Variants in HMBOX1 observed in about 807,000 individuals in gnomAD.
HMBOX1 encodes homeobox-containing protein 1.
Under a neutral mutation model 54.5 loss-of-function variants are expected in HMBOX1, and 14 were observed. That is an observed-to-expected ratio of 0.26 (90% CI 0.17 to 0.40). The LOEUF (loss-of-function observed/expected upper bound fraction) is 0.40, where lower values mean the gene tolerates loss of function less well. HMBOX1 is among the 10% of genes least tolerant of loss of function. HMBOX1 has a pLI of 1.00. For synonymous variants in HMBOX1, 160 were observed against 181.0 expected (o/e 0.88, Z 0.93); for missense variants, 332 against 514.4 (o/e 0.65, Z 3.43).
At chr8:28,934,634 T>A (rs1820061217) in intron 1 of HMBOX1, among the ~76,000 whole-genome samples, 1 of 152,096 alleles carries the variant, frequency 6.6e-6, no homozygotes. Context: ...TGAAATAATA[T>A]ACAGAAATTG....
upstream of HMBOX1, chr8:28,890,194 C>A: frequency 2.6e-6 from 1 of 391,696 alleles, no homozygotes; most frequent in South Asian, 2.5e-5. Context: ...GGGCCTGGGG[C>A]CCATGGTGTT....
intron 1 of HMBOX1, among the ~76,000 whole-genome samples, chr8:28,940,524 G>T (rs954981010): frequency 6.6e-6 from 1 of 152,162 alleles, no homozygotes; most frequent in Non-Finnish European, 1.5e-5. Context: ...CTTCCTAAGG[G>T]TAGAAATATG....
chr8:28,962,311 A>T (rs1285238672), intron 1 of HMBOX1, among the ~76,000 whole-genome samples: 1 of 152,122 alleles, frequency 6.6e-6, no homozygotes, highest in Non-Finnish European at 1.5e-5. Context: ...TCAGTGTCTT[A>T]TGGTTACATA....
intron 1 of HMBOX1, among the ~76,000 whole-genome samples, chr8:28,909,888 G>A (rs1331059229): frequency 6.6e-6 from 1 of 151,720 alleles, no homozygotes; most frequent in Non-Finnish European, 1.5e-5. Context: ...GGCTCAAATG[G>A]GTCTTTCATC....
intron 1 of HMBOX1, among the ~76,000 whole-genome samples, chr8:28,908,551 T>A (rs1408055557): frequency 2.6e-5 from 4 of 152,166 alleles, no homozygotes; most frequent in Admixed American, 2.6e-4. Flanking sequence ...GGTCAGGAGT[T>A]TGACACCAGC....
rs1800729191 is a variant in HMBOX1 at position 29,018,820 on chromosome 8, C to T, written c.758C>T (p.Thr253Met). Residue 253 changes from threonine (T) to methionine (M), a missense_variant, in exon 6 of 10, where the codon ACG becomes ATG. Physicochemically the swap from Thr to Met is moderately conservative, Grantham distance 81. This residue lies in a region of HMBOX1 where 117 missense variants were observed against 220.0 expected (regional missense o/e 0.53). Transcript: ENST00000287701. ...IPIEDPEWRQ[T>M]PPPVSATSGT... ...ATAGAGGACCCTGAATGGAGACAAA[C>T]GCCTCCCCCAGTCTCTGCCACATCT... is the stretch of plus-strand genomic sequence containing the variant. The T allele has an allele frequency of 6.2e-7, 1 of 1,613,982 alleles. No individual in the cohort carries two copies. Among genetic ancestry groups the T allele is most frequent in the Non-Finnish European group, 8.5e-7 (1 of 1,179,864 alleles).
chr8:29,014,988 T>C (rs1458199461), intron 5 of HMBOX1, among the ~76,000 whole-genome samples: 1 of 152,148 alleles, frequency 6.6e-6, no homozygotes. Flanking sequence ...CCTTGATTTC[T>C]TTCAAAATAA....
chr8:28,933,355 A>G (rs896185304), intron 1 of HMBOX1, among the ~76,000 whole-genome samples: 74 of 152,218 alleles, frequency 4.9e-4, no homozygotes, highest in Admixed American at 4.7e-3. Flanking sequence ...GAGACCTGTC[A>G]ACTAAATAGA....
At chr8:28,899,881 A>G (rs1303576351) in intron 1 of HMBOX1, among the ~76,000 whole-genome samples, 5 of 152,148 alleles carry the variant, frequency 3.3e-5, no homozygotes, top group Admixed American at 6.5e-5. Context: ...ACAGAGTTCT[A>G]AGCACTTAGG....
chr8:28,918,405 G>A (rs971967700), intron 1 of HMBOX1, among the ~76,000 whole-genome samples: 5 of 151,338 alleles, frequency 3.3e-5, no homozygotes, highest in South Asian at 2.1e-4. Flanking sequence ...GGGTTCCACC[G>A]TGTTAGCCAG....
At chr8:28,974,763 T>A (rs1209242488) in intron 3 of HMBOX1, among the ~76,000 whole-genome samples, 1 of 152,216 alleles carries the variant, frequency 6.6e-6, no homozygotes, top group Non-Finnish European at 1.5e-5. Context: ...ATAGGTTTTA[T>A]TCAAACATGA....
chr8:28,931,135 A>G (rs1563411735), intron 1 of HMBOX1, among the ~76,000 whole-genome samples: 1 of 152,246 alleles, frequency 6.6e-6, no homozygotes, highest in Non-Finnish European at 1.5e-5. Context: ...TAAACTTAAT[A>G]GTAATTTTTA....
chr8:29,001,515 G>A (rs898299729), intron 4 of HMBOX1, among the ~76,000 whole-genome samples: 11 of 151,962 alleles, frequency 7.2e-5, no homozygotes, highest in Admixed American at 2.0e-4. Context: ...ATGCCGCGGC[G>A]CTTCAGCCTC....
intron 1 of HMBOX1, among the ~76,000 whole-genome samples, chr8:28,937,652 A>C (rs1467292902): frequency 6.6e-6 from 1 of 152,178 alleles, no homozygotes; most frequent in African/African-American, 2.4e-5. Context: ...TTTAATCTCA[A>C]AGGCAAGACT....
intron 1 of HMBOX1, among the ~76,000 whole-genome samples, chr8:28,919,277 C>T (rs1817129197): frequency 6.6e-6 from 1 of 152,150 alleles, no homozygotes; most frequent in Non-Finnish European, 1.5e-5. Flanking sequence ...CAGATTTAAC[C>T]AACCATGGAT....
chr8:29,017,421 G>C (rs1835194670), intron 5 of HMBOX1, among the ~76,000 whole-genome samples: 1 of 152,192 alleles, frequency 6.6e-6, no homozygotes, highest in Non-Finnish European at 1.5e-5. Flanking sequence ...TTACTGTGAG[G>C]AGCCGTCTTT....
intron 3 of HMBOX1, among the ~76,000 whole-genome samples, chr8:28,973,803 G>GTTTTTTTTATTTTTT (rs1827850065): frequency 1.4e-5 from 1 of 72,618 alleles, no homozygotes; most frequent in Admixed American, 1.8e-4. Flanking sequence ...ACATAATGGA[G>GTTTTTTTTATTTTTT]TTTTTTTTTT....
At chr8:29,049,568 AC>A in intron 9 of HMBOX1, 1 of 850,126 alleles carries the variant, frequency 1.2e-6, no homozygotes, top group African/African-American at 1.7e-5. Context: ...AGTCTCTGGC[AC>A]ACTGACACAT....
intron 1 of HMBOX1, 129 bp from the exon 2 acceptor site, chr8:28,963,681 AT>A: frequency 2.0e-6 from 1 of 491,268 alleles, no homozygotes; most frequent in Non-Finnish European, 3.6e-6. Flanking sequence ...TAGAATGCAA[AT>A]CAGAAGATAT....
Sources: allele counts gnomAD v4.1 joint callset (sites outside exome capture counted in the v4.1 genomes callset), GRCh38; gene constraint gnomAD v4.1.1; regional missense constraint gnomAD v4.1.1; transcripts MANE v1.5; gene names NCBI Gene and HGNC (gene_info 2026-07-23, HGNC 2026-07-21).